The following DCC variants were observed in gnomAD, a reference collection of about 807,000 sequenced individuals.
The protein encoded by DCC is netrin receptor DCC.
Under a neutral mutation model 172.5 loss-of-function variants are expected in DCC, and 58 were observed. The ratio of observed to expected loss-of-function variants is 0.34; its 90% CI spans 0.27 to 0.42. DCC has a LOEUF of 0.42. Ranked by LOEUF, DCC falls within the 10% of genes least tolerant of loss-of-function variation. The pLI is 1.00. For missense variants in DCC, 1,740 were observed against 1,791.0 expected, an observed-to-expected ratio of 0.97 and a Z score of 0.51; for synonymous variants, 709 against 644.5, an observed-to-expected ratio of 1.10 and a Z score of -1.52.
chr18:53,279,514 G>A (rs1250868368), intron 12 of DCC, among the ~76,000 whole-genome samples: 61 of 143,606 alleles, frequency 4.2e-4, no homozygotes, highest in African/African-American at 1.5e-3. Flanking sequence ...GGGGGAGGGG[G>A]GAGAGATAGC....
chr18:52,855,446 A>G (rs2039036816), intron 2 of DCC, among the ~76,000 whole-genome samples: 1 of 152,208 alleles, frequency 6.6e-6, no homozygotes, highest in Admixed American at 6.5e-5. Flanking sequence ...GTTTTAATTA[A>G]TAACATAATG....
chr18:52,472,301 C>T (rs1421252361), intron 1 of DCC, among the ~76,000 whole-genome samples: 19 of 152,254 alleles, frequency 1.2e-4, no homozygotes, highest in Non-Finnish European at 2.1e-4. Flanking sequence ...ACCCAGCTTC[C>T]TTCCCTTTTC....
In DCC at chr18:53,255,441, C is replaced by T. The variant is rs184499737; in HGVS notation, c.1911+39844C>T. ...CCATGTGTCCTCATTGTTCACTTCCCACCTATCAGTGAGAACATGTGGTGT... is the reference window on the plus strand; with the variant it reads ...CCATGTGTCCTCATTGTTCACTTCCTACCTATCAGTGAGAACATGTGGTGT... On this transcript the variant is annotated intron_variant, in intron 12 of 28. Coordinates refer to ENST00000442544, the MANE Select transcript of DCC (RefSeq NM_005215.4). 4.1e-5 allele frequency among the ~76,000 whole-genome samples: 6 copies of T among 146,664 alleles called. No homozygotes were observed. In the East Asian group the frequency reaches 1.2e-3, roughly 30 times the overall value.
At chr18:52,927,137 G>A (rs543455395) in intron 5 of DCC, among the ~76,000 whole-genome samples, 3 of 37,478 alleles carry the variant, frequency 8.0e-5, no homozygotes, top group South Asian at 5.1e-4. Context: ...ACGTATATAC[G>A]TGTATATATG....
Position 53,386,148 on chromosome 18 carries a change from A to G in DCC, c.2455+10A>G. 2 of 1,528,032 alleles carry G rather than the reference A, an allele frequency of 1.3e-6. No individual in the cohort carries two copies. The highest frequency in any genetic ancestry group is 1.8e-6 in the Non-Finnish European group (2 of 1,101,596). 94.7% of individuals were successfully genotyped at this position (1,528,032 alleles called of 1,614,324 possible). A position where few individuals can be genotyped will look rare whatever the true frequency, so the allele number is the denominator to read the frequency against. ...ACCAGGTCTATAACCGGTAAGTGAA[A>G]TTGTTAATCTTCCTCTGACAAAGTA... On this transcript the variant is annotated intron_variant, in intron 16 of 28. Transcript: ENST00000442544.
chr18:52,908,895 T>C (rs2039928333), intron 3 of DCC, among the ~76,000 whole-genome samples: 1 of 152,150 alleles, frequency 6.6e-6, no homozygotes, highest in Non-Finnish European at 1.5e-5. Context: ...AGATAGTACA[T>C]GCACGTGTGT....
intron 7 of DCC, among the ~76,000 whole-genome samples, chr18:53,126,184 G>A (rs986324000): frequency 1.3e-5 from 2 of 152,132 alleles, no homozygotes; most frequent in Non-Finnish European, 2.9e-5. Flanking sequence ...TTCTACACAA[G>A]CTGGAGATTT....
At position 53,340,208 on chromosome 18, in the gene DCC, G is replaced by A. The variant is rs149735240; in HGVS notation, c.2359+301G>A. Among the ~76,000 whole-genome samples the A allele has an allele frequency of 4.9e-4, 74 of 152,192 alleles. No individual in the cohort carries two copies. In the East Asian group the frequency reaches 0.012, roughly 25 times the overall value. On this transcript the variant is annotated intron_variant, in intron 15 of 28. Transcript: ENST00000442544. ...ATGGGTTATAGGATACAAAAAGTGCGTTGGGCCATTTTTCTTTTTCCAGTG... is the reference window on the plus strand; with the variant it reads ...ATGGGTTATAGGATACAAAAAGTGCATTGGGCCATTTTTCTTTTTCCAGTG...
intron 27 of DCC, among the ~76,000 whole-genome samples, chr18:53,506,499 A>AT (rs966464992): frequency 1.3e-5 from 2 of 152,188 alleles, no homozygotes; most frequent in African/African-American, 4.8e-5. Context: ...TCAGTGGTTT[A>AT]TTTTTATGAA....
intron 12 of DCC, among the ~76,000 whole-genome samples, chr18:53,229,567 T>C (rs1265473410): frequency 1.3e-5 from 2 of 152,142 alleles, no homozygotes; most frequent in South Asian, 2.1e-4. Flanking sequence ...AGTGACATTA[T>C]GCTGGCAGCT....
chr18:52,644,182 T>A (rs2034964995), intron 1 of DCC, among the ~76,000 whole-genome samples: 1 of 152,202 alleles, frequency 6.6e-6, no homozygotes, highest in Non-Finnish European at 1.5e-5. Flanking sequence ...CCAAAACAGA[T>A]GAGCATCACC....
In DCC at chr18:52,779,548, TATC is replaced by T. The variant is rs758454682; in HGVS notation, c.412+27177_412+27179del. Among the ~76,000 whole-genome samples, 5 of 152,372 alleles carry T rather than the reference TATC, an allele frequency of 3.3e-5. No homozygotes were observed. The South Asian group carries it at 1.0e-3, about 32-fold the overall frequency. On this transcript the variant is annotated intron_variant, in intron 2 of 28. Coordinates refer to ENST00000442544, the MANE Select transcript of DCC (RefSeq NM_005215.4). ...TGTGTTGCATTTTCTTTATCCAGCTTATCATTGATTAACATTTGGGTTAGTTCC... is the reference window on the plus strand; with the variant it reads ...TGTGTTGCATTTTCTTTATCCAGCTTATTGATTAACATTTGGGTTAGTTCC...
At chr18:53,501,223 A>G (rs1056918758) in intron 27 of DCC, among the ~76,000 whole-genome samples, 1 of 152,188 alleles carries the variant, frequency 6.6e-6, no homozygotes, top group African/African-American at 2.4e-5. Context: ...GGCTTATTAC[A>G]TCTCATTTGA....
intron 12 of DCC, among the ~76,000 whole-genome samples, chr18:53,259,472 C>T (rs1313498431): frequency 6.6e-6 from 1 of 152,154 alleles, no homozygotes; most frequent in Non-Finnish European, 1.5e-5. Context: ...ACTTCTGAAG[C>T]TTAGTTTGGC....
Position 53,410,518 on chromosome 18 carries a change from G to A in DCC, c.3002G>A (p.Ser1001Asn). The change falls in exon 20 of 29, where the codon AGT (serine) becomes AAT (asparagine). Residue 1001 changes from serine to asparagine, a missense_variant. Ser to Asn is a conservative substitution (Grantham distance 46). Around this residue, in one of 2 missense-constraint regions of DCC, gnomAD observed 1,732 missense variants for 1,767.4 expected, o/e 0.98. Transcript: ENST00000442544. ...PIDDWIMETI[S>N]GDRLTHQIMD... Reference sequence around the variant, plus strand: ...GATGACTGGATTATGGAAACAATCAGTGGTGATAGGCTTACTCATCAAATC... The same window carrying A: ...GATGACTGGATTATGGAAACAATCAATGGTGATAGGCTTACTCATCAAATC... 3.1e-6 allele frequency: 5 copies of A among 1,608,166 alleles called. No homozygotes were observed. The highest frequency in any genetic ancestry group is 3.3e-5 in the Admixed American group (2 of 59,986).
chr18:52,955,164 C>T (rs999425592), intron 5 of DCC, among the ~76,000 whole-genome samples: 10 of 152,104 alleles, frequency 6.6e-5, no homozygotes, highest in Admixed American at 2.0e-4. Flanking sequence ...ATTATAGCAT[C>T]ATGCATGATA....
chr18:52,950,144 A>G (rs918567014), intron 5 of DCC, among the ~76,000 whole-genome samples: 8 of 152,094 alleles, frequency 5.3e-5, no homozygotes, highest in African/African-American at 1.9e-4. Flanking sequence ...TGCTCTTTTT[A>G]TACTTCTCTC....
intron 2 of DCC, among the ~76,000 whole-genome samples, chr18:52,803,724 G>A (rs1160599412): frequency 1.3e-5 from 2 of 152,032 alleles, no homozygotes; most frequent in African/African-American, 4.8e-5. Flanking sequence ...TCACACCTAG[G>A]TTGCTCAAGA....
At chr18:53,517,306 G>A (rs1448158546) in intron 27 of DCC, among the ~76,000 whole-genome samples, 2 of 151,548 alleles carry the variant, frequency 1.3e-5, no homozygotes, top group Non-Finnish European at 2.9e-5. Context: ...TGTGGGGTGG[G>A]GGGAGGCGGG....
Sources: allele counts gnomAD v4.1 joint callset (sites outside exome capture counted in the v4.1 genomes callset), GRCh38; gene constraint gnomAD v4.1.1; regional missense constraint gnomAD v4.1.1; transcripts MANE v1.5; gene names NCBI Gene and HGNC (gene_info 2026-07-23, HGNC 2026-07-21).